Variants in MEGF11 observed in about 807,000 individuals in gnomAD.
The protein encoded by MEGF11 is multiple epidermal growth factor-like domains protein 11.
Under a neutral mutation model 146.6 loss-of-function variants are expected in MEGF11, and 126 were observed. The ratio of observed to expected loss-of-function variants is 0.86; its 90% CI spans 0.74 to 1.00. The LOEUF is 1.00. Ranked by LOEUF, MEGF11 falls within the 50% of genes least tolerant of loss-of-function variation. The probability of loss-of-function intolerance (pLI) is 0.00; values close to 1 mark genes in which losing one functional copy is unlikely to be tolerated. For synonymous variants in MEGF11, 532 were observed against 583.4 expected (o/e 0.91, Z 1.27); for missense variants, 1,509 against 1,521.2 (o/e 0.99, Z 0.13).
chr15:66,021,674 C>A (rs1214069120), intron 5 of MEGF11, among the ~76,000 whole-genome samples: 1 of 152,142 alleles, frequency 6.6e-6, no homozygotes. Context: ...GGCTCTGGGA[C>A]TGGCAGAGTT....
rs1296785211 is a variant in MEGF11 at position 65,970,540 on chromosome 15, A to G, written c.899+13T>C. The G allele has an allele frequency of 5.0e-6, 8 of 1,612,944 alleles. No individual in the cohort carries two copies. The highest frequency in any genetic ancestry group is 1.3e-5 in the African/African-American group (1 of 74,894). On this transcript the variant is annotated intron_variant, in intron 8 of 25. Transcript: ENST00000395614. ...AAATGGACAGCAAAGATAACAGTTAACACTATCCTTACCTGTCCCCCATGT... is the reference window on the plus strand; with the variant it reads ...AAATGGACAGCAAAGATAACAGTTAGCACTATCCTTACCTGTCCCCCATGT...
chr15:66,000,834 G>A (rs1210490538), intron 5 of MEGF11, among the ~76,000 whole-genome samples: 1 of 152,232 alleles, frequency 6.6e-6, no homozygotes, highest in African/African-American at 2.4e-5. Context: ...AAAGGCCCCA[G>A]GAAGAGGTGA....
chr15:66,150,934 A>C (rs1476046862), intron 1 of MEGF11, among the ~76,000 whole-genome samples: 1 of 152,000 alleles, frequency 6.6e-6, no homozygotes, highest in Non-Finnish European at 1.5e-5. Context: ...GGTCTCAGAC[A>C]ATCATCCCAT....
At chr15:65,990,910 G>C (rs2082026269) in intron 5 of MEGF11, among the ~76,000 whole-genome samples, 1 of 152,174 alleles carries the variant, frequency 6.6e-6, no homozygotes, top group Admixed American at 6.5e-5. Flanking sequence ...GGTTACCCGA[G>C]CTCTGAGCTG....
At position 65,930,924 on chromosome 15, in the gene MEGF11, G is replaced by A; in HGVS notation, c.1307C>T (p.Ser436Phe). Residue 436 changes from serine (S) to phenylalanine (F), a missense_variant, in exon 11 of 26, where the codon TCC becomes TTC. Ser to Phe is a radical substitution (Grantham distance 155, BLOSUM62 -2). Transcript: ENST00000395614. ...PGFMGEVCAV[S>F]CAAGTYGPNC... ...GGGGCCATAGGTCCCTGCTGCACAG[G>A]AAACGGCACAGACCTCTCCCTGGAA... is the stretch of plus-strand genomic sequence containing the variant. 2 of 1,606,262 alleles carry A rather than the reference G, an allele frequency of 1.2e-6. No homozygotes were observed. Among genetic ancestry groups the A allele is most frequent in the South Asian group, 1.1e-5 (1 of 90,000 alleles).
rs146874941 is a variant in MEGF11, at chr15:65,953,121, C to T, written c.1287+4426G>A. On this transcript the variant is annotated intron_variant, in intron 10 of 25. Coordinates refer to ENST00000395614, the MANE Select transcript of MEGF11 (RefSeq NM_001385028.1). ...TCCCAACACCCTCCTACTGGTATCA[C>T]GGGCATGGGGGAAGCAACGTTCCCC... Among the ~76,000 whole-genome samples, 113 of 152,294 alleles carry T rather than the reference C, an allele frequency of 7.4e-4. 1 individual carries two copies. The highest frequency in any genetic ancestry group is 6.8e-3 in the Middle Eastern group (2 of 294).
chr15:66,042,852 T>C lies in MEGF11; in HGVS notation c.394+51550A>G, dbSNP rs548776296. ...GGATCAGGTGCCCAGCCTCCTCCAGTATGACCTCATCTTAATTTAACTGAT... is the reference window on the plus strand; with the variant it reads ...GGATCAGGTGCCCAGCCTCCTCCAGCATGACCTCATCTTAATTTAACTGAT... On this transcript the variant is annotated intron_variant, in intron 5 of 25. Coordinates refer to ENST00000395614, the MANE Select transcript of MEGF11 (RefSeq NM_001385028.1). Among the ~76,000 whole-genome samples, 7 of 152,260 alleles carry C rather than the reference T, an allele frequency of 4.6e-5. No homozygotes were observed. In the East Asian group the frequency reaches 1.4e-3, roughly 29 times the overall value.
chr15:66,223,716 C>T (rs925879625), intron 1 of MEGF11, among the ~76,000 whole-genome samples: 1 of 151,944 alleles, frequency 6.6e-6, no homozygotes, highest in African/African-American at 2.4e-5. Context: ...GAGCAAGGCT[C>T]AGTCTCAAAA....
intron 10 of MEGF11, among the ~76,000 whole-genome samples, chr15:65,956,960 T>A (rs1288186934): frequency 1.6e-4 from 24 of 152,166 alleles, no homozygotes; most frequent in Non-Finnish European, 5.9e-5. Flanking sequence ...GCAACATCCA[T>A]CAAGAGCCGT....
chr15:65,965,234 C>T (rs2081025004), intron 8 of MEGF11, 114 bp from the exon 9 acceptor site: 10 of 795,476 alleles, frequency 1.3e-5, no homozygotes, highest in Admixed American at 5.9e-5. Flanking sequence ...GTGTGCTCCA[C>T]GCTGCTCACA....
chr15:66,052,859 C>T (rs542297770), intron 5 of MEGF11, among the ~76,000 whole-genome samples: 2 of 152,346 alleles, frequency 1.3e-5, no homozygotes, highest in African/African-American at 4.8e-5. Context: ...TAGCCCCACC[C>T]TTGACCAAAG....
intron 5 of MEGF11, among the ~76,000 whole-genome samples, chr15:65,989,201 G>C (rs1275250788): frequency 6.6e-6 from 1 of 152,116 alleles, no homozygotes; most frequent in Non-Finnish European, 1.5e-5. Flanking sequence ...GGCTGGAGGT[G>C]GGGTGGGAGA....
chr15:65,934,900 ATCCTTTGTAATATCCT>A (rs2079712960), intron 10 of MEGF11, among the ~76,000 whole-genome samples: 2 of 152,114 alleles, frequency 1.3e-5, no homozygotes, highest in East Asian at 3.8e-4. Context: ...TTTCATCCAT[ATCCTTTGTAATATCCT>A]TTATAATAAA....
At chr15:66,053,713 CAATT>C (rs1448836018) in intron 5 of MEGF11, among the ~76,000 whole-genome samples, 3 of 72,590 alleles carry the variant, frequency 4.1e-5, no homozygotes, top group African/African-American at 1.5e-4. Flanking sequence ...CCCCTGGCAC[CAATT>C]TTTTTTTTTT....
At chr15:65,920,575 T>C (rs11629997) in intron 15 of MEGF11, among the ~76,000 whole-genome samples, 9,884 of 152,306 alleles carry the variant, frequency 0.065, 441 homozygotes, top group Non-Finnish European at 0.093. Context: ...ACTGCTAATA[T>C]GATCAATCTA....
chr15:65,929,657 C>A lies in MEGF11; in HGVS notation c.1572+63G>T. ...CTGTGCACTCTTGTGGACGAACTAA[C>A]ACCAGGGAAAGGGCGTGAGGGGATG... On this transcript the variant is annotated intron_variant, in intron 12 of 25. Transcript: ENST00000395614. The A allele has an allele frequency of 2.0e-6, 3 of 1,508,428 alleles. No homozygotes were observed. In the South Asian group the frequency reaches 3.8e-5, roughly 19 times the overall value. The allele number at this position is 1,508,428 out of a possible 1,614,324, so 93.4% of individuals were successfully genotyped here.
In MEGF11 at chr15:66,094,448, G is replaced by A. The variant is rs776316519; in HGVS notation, c.348C>T (p.Asp116=). 1.2e-5 allele frequency: 18 copies of A among 1,561,946 alleles called. No homozygotes were observed. The highest frequency in any genetic ancestry group is 7.7e-5 in the Admixed American group (4 of 52,278). ...ECVHGRCVSP[D]TCHCEPGWGG... ...CCCAGCCAGGCTCGCAGTGGCAGGT[G>A]TCCGGGGAAACGCAGCGGCCGTGCA... The change falls in exon 5 of 26, where the codon GAC becomes GAT. Residue 116 remains aspartate, a synonymous_variant. Transcript: ENST00000395614.
At chr15:65,917,314 G>T (rs907886293) in intron 16 of MEGF11, among the ~76,000 whole-genome samples, 9 of 152,154 alleles carry the variant, frequency 5.9e-5, no homozygotes, top group African/African-American at 2.2e-4. Context: ...TGAGAATGGG[G>T]ACTTTCCTAG....
chr15:65,991,225 C>T (rs1040980685), intron 5 of MEGF11, among the ~76,000 whole-genome samples: 2 of 152,180 alleles, frequency 1.3e-5, no homozygotes, highest in Non-Finnish European at 2.9e-5. Context: ...GGAGTGAGCA[C>T]ACGCACGTGG....
Sources: gnomAD v4.1 joint callset for allele counts (sites outside exome capture counted in the v4.1 genomes callset) on GRCh38, gnomAD v4.1.1 for gene constraint, MANE v1.5 for transcripts, NCBI Gene and HGNC (gene_info 2026-07-23, HGNC 2026-07-21) for gene names.